The following BMP5 variants were observed in gnomAD, a reference collection of about 807,000 sequenced individuals.
BMP5 encodes bone morphogenetic protein 5.
A neutral mutation model predicts 46.6 loss-of-function variants in BMP5; 23 were observed. The ratio of observed to expected loss-of-function variants is 0.49; its 90% CI spans 0.35 to 0.70. The LOEUF (loss-of-function observed/expected upper bound fraction) is 0.70, where lower values mean the gene tolerates loss of function less well. Ranked by LOEUF, BMP5 falls within the 30% of genes least tolerant of loss-of-function variation. The pLI, the probability that BMP5 is intolerant of heterozygous loss-of-function variation, is 0.00. For synonymous variants in BMP5, 204 were observed against 191.9 expected, an observed-to-expected ratio of 1.06 and a Z score of -0.52; for missense variants, 545 against 565.6, an observed-to-expected ratio of 0.96 and a Z score of 0.37.
chr6:55,771,818 A>AT (rs1775053775), intron 4 of BMP5, among the ~76,000 whole-genome samples: 1 of 151,870 alleles, frequency 6.6e-6, no homozygotes, highest in South Asian at 2.1e-4. Context: ...CTTCTTATCC[A>AT]TAGAGCCTTT....
In BMP5 at chr6:55,823,217, G is replaced by C. The variant is rs554718678; in HGVS notation, c.491-3370C>G. 2.0e-4 allele frequency among the ~76,000 whole-genome samples: 30 copies of C among 152,172 alleles called. No homozygotes were observed. The South Asian group carries it at 6.2e-3, about 32-fold the overall frequency. ...ATGACATCCTACTGTTCTGCACTTA[G>C]AGGCTAGTTCATTGTTAGTTTAAAC... On this transcript the variant is annotated intron_variant, in intron 1 of 6. Coordinates refer to ENST00000370830, the MANE Select transcript of BMP5 (RefSeq NM_021073.4).
intron 1 of BMP5, among the ~76,000 whole-genome samples, chr6:55,840,325 C>A (rs948351887): frequency 2.6e-5 from 4 of 151,906 alleles, no homozygotes; most frequent in African/African-American, 9.7e-5. Flanking sequence ...TATTTTATTT[C>A]TTCTTTTTAA....
chr6:55,768,401 TAG>T (rs1365515685), intron 4 of BMP5, among the ~76,000 whole-genome samples: 3 of 151,910 alleles, frequency 2.0e-5, no homozygotes, highest in African/African-American at 7.2e-5. Flanking sequence ...TCACTTTCAG[TAG>T]AGTGTCCAAT....
intron 1 of BMP5, among the ~76,000 whole-genome samples, chr6:55,823,870 C>A (rs59497176): frequency 0.071 from 10,708 of 151,736 alleles, 424 homozygotes; most frequent in Middle Eastern, 0.14. Context: ...GATTACATTT[C>A]TTATCTAAGG....
chr6:55,873,450 T>G (rs1333504289), intron 1 of BMP5, among the ~76,000 whole-genome samples: 11 of 151,856 alleles, frequency 7.2e-5, no homozygotes, highest in Admixed American at 7.2e-4. Context: ...AATTTCACCT[T>G]CAATTTTTAC....
chr6:55,867,473 A>G (rs1777675787), intron 1 of BMP5, among the ~76,000 whole-genome samples: 1 of 152,156 alleles, frequency 6.6e-6, no homozygotes, highest in African/African-American at 2.4e-5. Flanking sequence ...TTCAGTTTGC[A>G]CATTCTGTCT....
intron 1 of BMP5, among the ~76,000 whole-genome samples, chr6:55,848,151 T>C (rs1312414164): frequency 1.3e-5 from 2 of 152,002 alleles, no homozygotes; most frequent in Non-Finnish European, 2.9e-5. Flanking sequence ...TGTATATTTC[T>C]ATAACACTGC....
intron 1 of BMP5, among the ~76,000 whole-genome samples, chr6:55,867,287 C>G (rs1777668726): frequency 6.6e-6 from 1 of 152,106 alleles, no homozygotes; most frequent in Admixed American, 6.6e-5. Flanking sequence ...GGCACCTTCC[C>G]CACATATCTC....
intron 2 of BMP5, among the ~76,000 whole-genome samples, chr6:55,807,100 T>C (rs1407387802): frequency 6.6e-6 from 1 of 152,142 alleles, no homozygotes; most frequent in Admixed American, 6.5e-5. Context: ...GAACTTCCAA[T>C]ACTATGTTGA....
In BMP5 at chr6:55,832,475, C is replaced by T. The variant is rs116181178; in HGVS notation, c.491-12628G>A. Reference sequence around the variant, plus strand: ...TTTTACTCAGAGGCTGTGTTTATCTCGTCCTCTGAAAGAATCCACTAAGCA... The same window carrying T: ...TTTTACTCAGAGGCTGTGTTTATCTTGTCCTCTGAAAGAATCCACTAAGCA... On this transcript the variant is annotated intron_variant, in intron 1 of 6. Coordinates refer to ENST00000370830, the MANE Select transcript of BMP5 (RefSeq NM_021073.4). Among the ~76,000 whole-genome samples the T allele has an allele frequency of 4.3e-3, 659 of 152,276 alleles. 5 individuals are homozygous for T. The highest frequency in any genetic ancestry group is 5.6e-3 in the Non-Finnish European group (384 of 68,018).
At chr6:55,853,193 AAAATAAAATAAAATAAAATAAAAT>A (rs1448186441) in intron 1 of BMP5, among the ~76,000 whole-genome samples, 4 of 146,672 alleles carry the variant, frequency 2.7e-5, no homozygotes, top group Non-Finnish European at 4.6e-5. Context: ...AAAATAAAAT[AAAATAAAATAAAATAAAATAAAAT>A]AAGATAAAAT....
At chr6:55,825,868 T>C (rs561672996) in intron 1 of BMP5, among the ~76,000 whole-genome samples, 2 of 151,974 alleles carry the variant, frequency 1.3e-5, no homozygotes, top group South Asian at 2.1e-4. Context: ...AAGGCAAAGA[T>C]AGCATTCTCC....
intron 1 of BMP5, among the ~76,000 whole-genome samples, chr6:55,864,238 C>T (rs909061392): frequency 4.6e-5 from 7 of 152,078 alleles, no homozygotes; most frequent in African/African-American, 1.7e-4. Flanking sequence ...ATTATCACTA[C>T]GATTTGAGTA....
intron 2 of BMP5, among the ~76,000 whole-genome samples, chr6:55,809,620 C>T (rs1776073193): frequency 6.6e-6 from 1 of 151,470 alleles, no homozygotes; most frequent in Non-Finnish European, 1.5e-5. Context: ...ATATTATATA[C>T]ATATATATAT....
At chr6:55,874,321 A>C in intron 1 of BMP5, 55 bp downstream of exon 1, 1 of 1,608,998 alleles carries the variant, frequency 6.2e-7, no homozygotes, top group Non-Finnish European at 8.5e-7. Flanking sequence ...CTTTACCATT[A>C]GGGAAAACTT....
chr6:55,784,222 T>A (rs1775393186), intron 3 of BMP5, among the ~76,000 whole-genome samples: 1 of 151,912 alleles, frequency 6.6e-6, no homozygotes, highest in African/African-American at 2.4e-5. Context: ...AAGAGAACTG[T>A]CGTTTCTTAG....
At chr6:55,866,935 A>T (rs1341938676) in intron 1 of BMP5, among the ~76,000 whole-genome samples, 1 of 152,214 alleles carries the variant, frequency 6.6e-6, no homozygotes. Context: ...TAATACAAAG[A>T]TTAACATATA....
intron 1 of BMP5, among the ~76,000 whole-genome samples, chr6:55,824,902 G>A (rs978777034): frequency 3.9e-5 from 6 of 151,902 alleles, no homozygotes; most frequent in South Asian, 4.2e-4. Context: ...TGACACACAC[G>A]TTTTGAAGAT....
At chr6:55,795,518 A>G (rs1466945814) in intron 2 of BMP5, among the ~76,000 whole-genome samples, 1 of 152,118 alleles carries the variant, frequency 6.6e-6, no homozygotes, top group Non-Finnish European at 1.5e-5. Flanking sequence ...TGTATACATC[A>G]TAGAAGTCAC....
Sources: allele counts gnomAD v4.1 joint callset (sites outside exome capture counted in the v4.1 genomes callset), GRCh38; gene constraint gnomAD v4.1.1; transcripts MANE v1.5; gene names NCBI Gene and HGNC (gene_info 2026-07-23, HGNC 2026-07-21).